LRP1: variants seen among roughly 807,000 people sequenced by gnomAD.
LRP1 encodes the protein prolow-density lipoprotein receptor-related protein 1.
LRP1 carries 51 observed loss-of-function variants against 541.5 expected under a neutral mutation model. That is an observed-to-expected ratio of 0.09 (90% confidence interval 0.08 to 0.12). LRP1 has a LOEUF of 0.12. LRP1 is among the 10% of genes least tolerant of loss of function. The pLI is 1.00. For missense variants in LRP1, 3,878 were observed against 6,376.2 expected (o/e 0.61, Z 13.34); for synonymous variants, 2,219 against 2,470.8 (o/e 0.90, Z 3.02).
intron 2 of LRP1, among the ~76,000 whole-genome samples, chr12:57,140,557 C>CAAGT (rs1163698966): frequency 1.3e-5 from 2 of 152,264 alleles, no homozygotes; most frequent in Admixed American, 1.3e-4. Flanking sequence ...TGCCGCCTTT[C>CAAGT]AAGTGCTTGA....
Position 57,189,698 on chromosome 12 carries a change from G to A in LRP1, c.7032-1107G>A, listed in dbSNP as rs140769128. On this transcript the variant is annotated intron_variant, in intron 42 of 88. Transcript: ENST00000243077. This position sits in a 1 kb window ranked among gnomAD's most constrained non-coding sequence, Gnocchi z 4.4. ...CCAGAATGGTGAGGGGCAGAGGTAG[G>A]AGGAGGCCAGAGGCACTGGGGTGGG... 4.1e-4 allele frequency among the ~76,000 whole-genome samples: 63 copies of A among 152,050 alleles called. No homozygotes were observed. Among genetic ancestry groups the A allele is most frequent in the Non-Finnish European group, 6.5e-4 (44 of 67,990 alleles).
intron 22 of LRP1, among the ~76,000 whole-genome samples, chr12:57,174,650 A>G (rs1275654353): frequency 2.0e-5 from 3 of 152,208 alleles, no homozygotes; most frequent in Non-Finnish European, 4.4e-5. Flanking sequence ...CTGCAGTCCC[A>G]GCTACTTGGG....
intron 52 of LRP1, 29 bp downstream of exon 52, chr12:57,195,428 G>A (rs754460886): frequency 4.8e-5 from 76 of 1,598,166 alleles, no homozygotes; most frequent in Admixed American, 2.8e-4. Context: ...TGGAGCGGGT[G>A]GACAGCAAAT....
In LRP1 at chr12:57,210,303, G is replaced by A. The variant is rs927219914; in HGVS notation, c.12581-4G>A. On this transcript the variant is annotated splice_polypyrimidine_tract_variant and splice_region_variant and intron_variant, in intron 81 of 88. Coordinates refer to ENST00000243077, the MANE Select transcript of LRP1 (RefSeq NM_002332.3). ...CTCTGCCCCTTGACGGGCCCTTCCT[G>A]CAGCTCCCCGGCCTGGAACCTGTAA... 6.5e-7 allele frequency: 1 copy of A among 1,549,914 alleles called. No homozygotes were observed. Among genetic ancestry groups the A allele is most frequent in the Non-Finnish European group, 8.7e-7 (1 of 1,144,378 alleles).
rs767681121 is a variant in LRP1 at position 57,190,932 on chromosome 12, C to T, written c.7159C>T (p.Arg2387Cys). 8 of 1,613,290 alleles carry T rather than the reference C, an allele frequency of 5.0e-6. No individual in the cohort carries two copies. The highest frequency in any genetic ancestry group is 2.2e-5 in the East Asian group (1 of 44,894). ...CCCCAATGGCCTGGCCATCGACCAC[C>T]GTGCCGAGAAGCTCTACTTCTCTGA... ...RTPNGLAIDH[R>C]AEKLYFSDAT... Residue 2387 changes from arginine to cysteine, a missense_variant, in exon 43 of 89, where the codon CGT becomes TGT. Arg to Cys is a radical substitution (Grantham distance 180). This residue lies in a region of LRP1 where 1,100 missense variants were observed against 1,827.4 expected (regional missense o/e 0.60). Coordinates refer to ENST00000243077, the MANE Select transcript of LRP1 (RefSeq NM_002332.3).
rs1001031590 is a variant in LRP1 at position 57,187,355 on chromosome 12, C to T, written c.6930C>T (p.His2310=). The change falls in exon 42 of 89, where the codon CAC becomes CAT. Residue 2310 remains histidine (H), a synonymous_variant. Transcript: ENST00000243077. ...TSYTTSTITR[H]TVDQTRPGAF... ...ACACGACATCCACCATCACGCGCCA[C>T]ACAGTGGACCAGACCCGCCCAGGGG... is the stretch of plus-strand genomic sequence containing the variant. 6.2e-7 allele frequency: 1 copy of T among 1,614,230 alleles called. No homozygotes were observed. Among genetic ancestry groups the T allele is most frequent in the Non-Finnish European group, 8.5e-7 (1 of 1,180,046 alleles).
intron 68 of LRP1, chr12:57,202,790 C>G (rs2036685002): frequency 1.7e-6 from 1 of 587,488 alleles, no homozygotes; most frequent in Admixed American, 3.0e-5. Flanking sequence ...TGCCCGTGCT[C>G]CCACCATACC....
In LRP1 at chr12:57,160,974, A is replaced by G. The variant is rs1243770604; in HGVS notation, c.2061A>G (p.Ser687=). The G allele has an allele frequency of 6.3e-7, 1 of 1,596,572 alleles. No homozygotes were observed. The highest frequency in any genetic ancestry group is 1.7e-5 in the Admixed American group (1 of 58,568). ...GRLERAWMDG[S]HRDIFVTSKT... The stretch of plus-strand genomic sequence containing the variant: ...TGGAGAGGGCGTGGATGGATGGCTC[A>G]CACCGAGACATCTTTGTCACCTCCA... Residue 687 remains serine (S), a synonymous_variant, in exon 13 of 89, where the codon TCA becomes TCG. Coordinates refer to ENST00000243077, the MANE Select transcript of LRP1 (RefSeq NM_002332.3).
chr12:57,194,316 G>A (rs775309234), intron 48 of LRP1, 38 bp from the exon 49 acceptor site: 1 of 1,505,628 alleles, frequency 6.6e-7, no homozygotes, highest in Admixed American at 2.3e-5. Context: ...GGTGATCCAG[G>A]GGGAACCAGG....
At chr12:57,167,188 G>T in intron 18 of LRP1, 142 bp downstream of exon 18, 1 of 711,236 alleles carries the variant, frequency 1.4e-6, no homozygotes. Context: ...CTCTGTGAGA[G>T]GAGAGCCCCA....
chr12:57,200,098 C>A, intron 62 of LRP1, 73 bp downstream of exon 62: 1 of 1,333,386 alleles, frequency 7.5e-7, no homozygotes, highest in Non-Finnish European at 1.0e-6. Flanking sequence ...ACCCCAACAC[C>A]TGCTCTGTCC....
intron 20 of LRP1, among the ~76,000 whole-genome samples, chr12:57,172,930 T>G (rs1251061600): frequency 6.6e-6 from 1 of 152,166 alleles, no homozygotes; most frequent in East Asian, 1.9e-4. Context: ...AGCTGAGATC[T>G]CCGGTGTCAA....
At chr12:57,191,133 C>A in intron 43 of LRP1, 124 bp downstream of exon 43, 1 of 1,170,232 alleles carries the variant, frequency 8.5e-7, no homozygotes, top group Non-Finnish European at 1.2e-6. Flanking sequence ...TGAGTGCCTC[C>A]AGGCCCCAGC....
chr12:57,141,271 A>C, intron 2 of LRP1, 103 bp from the exon 3 acceptor site: 1 of 1,388,678 alleles, frequency 7.2e-7, no homozygotes, highest in Non-Finnish European at 9.9e-7. Flanking sequence ...AGGCCTCCTG[A>C]GATCTGAAAC....
Position 57,212,030 on chromosome 12 carries a change from G to A in LRP1, c.13349+13G>A, listed in dbSNP as rs781746451. The A allele has an allele frequency of 6.2e-7, 1 of 1,614,040 alleles. No individual in the cohort carries two copies. The highest frequency in any genetic ancestry group is 8.5e-7 in the Non-Finnish European group (1 of 1,179,974). Reference sequence around the variant, plus strand: ...GGCGAGTCCAAGGGTGAGTCACAGGGATTCTGGAACATTCTGGTCATTATT... The same window carrying A: ...GGCGAGTCCAAGGGTGAGTCACAGGAATTCTGGAACATTCTGGTCATTATT... On this transcript the variant is annotated intron_variant, in intron 87 of 88. Coordinates refer to ENST00000243077, the MANE Select transcript of LRP1 (RefSeq NM_002332.3). This position sits in a 1 kb window ranked among gnomAD's most constrained non-coding sequence, Gnocchi z 5.0.
At chr12:57,163,981 G>T (rs751647963) in intron 15 of LRP1, among the ~76,000 whole-genome samples, 16 of 152,116 alleles carry the variant, frequency 1.1e-4, no homozygotes, top group Admixed American at 6.5e-4. Context: ...GACCAGCCTG[G>T]CCAACATGGT....
chr12:57,187,605 C>G (rs2036295865), intron 42 of LRP1, 149 bp downstream of exon 42: 1 of 773,690 alleles, frequency 1.3e-6, no homozygotes, highest in African/African-American at 1.8e-5. Context: ...GGGAGAGGTG[C>G]AAAAGCTTCC....
Position 57,149,068 on chromosome 12 carries a change from A to G in LRP1, c.841+3578A>G, listed in dbSNP as rs775687902. On this transcript the variant is annotated intron_variant, in intron 6 of 88. Coordinates refer to ENST00000243077, the MANE Select transcript of LRP1 (RefSeq NM_002332.3). ...GAAGGGGCAGACAGCAGTCCCTCTG[A>G]GTCTAATGAACTGGCTGCTGCTGCT... 1.0e-5 allele frequency: 6 copies of G among 578,108 alleles called. 1 individual carries two copies. In the Admixed American group the frequency reaches 1.7e-4, roughly 17 times the overall value. 35.8% of individuals were successfully genotyped at this position (578,108 alleles called of 1,614,324 possible). A position where few individuals can be genotyped will look rare whatever the true frequency, so the allele number is the denominator to read the frequency against.
chr12:57,180,431 G>T lies in LRP1; in HGVS notation c.5338G>T (p.Asp1780Tyr). The T allele has an allele frequency of 6.2e-7, 1 of 1,614,114 alleles. No homozygotes were observed. The highest frequency in any genetic ancestry group is 8.5e-7 in the Non-Finnish European group (1 of 1,180,040). Residue 1780 changes from aspartate (D) to tyrosine (Y), a missense_variant, in exon 32 of 89, where the codon GAT (aspartate) becomes TAT (tyrosine). Coordinates refer to ENST00000243077, the MANE Select transcript of LRP1 (RefSeq NM_002332.3). ...GGATGGGAGTGGGCTGGAGGTCATC[G>T]ATGCCATGCGGAGCCAGCTGGGCAA... is the stretch of plus-strand genomic sequence containing the variant. Reference protein sequence around the residue: ...NLDGSGLEVIDAMRSQLGKAT... With the variant: ...NLDGSGLEVIYAMRSQLGKAT...
Sources: gnomAD v4.1 joint callset for allele counts (sites outside exome capture counted in the v4.1 genomes callset) on GRCh38, gnomAD v4.1.1 for gene constraint, gnomAD v4.1.1 regional missense constraint, Gnocchi (gnomAD v3.1) non-coding constraint, MANE v1.5 for transcripts, NCBI Gene and HGNC (gene_info 2026-07-23, HGNC 2026-07-21) for gene names.